The following XPO7 variants were observed in gnomAD, a reference collection of about 807,000 sequenced individuals.
The protein encoded by XPO7 is exportin-7.
A neutral mutation model predicts 144.3 loss-of-function variants in XPO7; 21 were observed. That is an observed-to-expected ratio of 0.15 (90% CI 0.10 to 0.21). The LOEUF (loss-of-function observed/expected upper bound fraction) is 0.21, where lower values mean the gene tolerates loss of function less well. Among genes scored for constraint, XPO7 ranks in the 10% least tolerant of loss-of-function variants. The pLI is 1.00. For synonymous variants in XPO7, 580 were observed against 499.6 expected (o/e 1.16, Z -2.15); for missense variants, 808 against 1,325.8 (o/e 0.61, Z 6.06).
At position 21,920,036 on chromosome 8, in the gene XPO7, G is replaced by A. The variant is rs539009557; in HGVS notation, c.18+248G>A. 7.9e-5 allele frequency among the ~76,000 whole-genome samples: 12 copies of A among 151,880 alleles called. No individual in the cohort carries two copies. In the South Asian group the frequency reaches 2.5e-3, roughly 32 times the overall value. ...CGCGGGGCTGCAGGGACAGGAACGGGCATCCCGGCGCGCGCAGCCCACAAC... is the reference window on the plus strand; with the variant it reads ...CGCGGGGCTGCAGGGACAGGAACGGACATCCCGGCGCGCGCAGCCCACAAC... On this transcript the variant is annotated intron_variant, in intron 1 of 27. Transcript: ENST00000252512.
rs759823657 is a variant in XPO7, at chr8:21,999,222, C to T, written c.2560C>T (p.Arg854Cys). 9.9e-6 allele frequency: 16 copies of T among 1,613,944 alleles called. No individual in the cohort carries two copies. The South Asian group carries it at 1.2e-4, about 12-fold the overall frequency. The change falls in exon 23 of 28, where the codon CGT becomes TGT. Residue 854 changes from arginine (R) to cysteine (C), a missense_variant. Transcript: ENST00000252512. ...GAGTTACGTCAATTTCGGAGTCTTTCGTCTCTATGGAGACGATGCCCTGGA... is the reference window on the plus strand; with the variant it reads ...GAGTTACGTCAATTTCGGAGTCTTTTGTCTCTATGGAGACGATGCCCTGGA... ...SGSYVNFGVF[R>C]LYGDDALDNA...
At chr8:21,939,885 T>C (rs1810938366) in intron 1 of XPO7, among the ~76,000 whole-genome samples, 1 of 152,264 alleles carries the variant, frequency 6.6e-6, no homozygotes, top group Admixed American at 6.5e-5. Context: ...TAGTAGTCTT[T>C]TAAATTTTAT....
At chr8:21,954,000 A>G (rs565495982) in intron 1 of XPO7, among the ~76,000 whole-genome samples, 28 of 152,338 alleles carry the variant, frequency 1.8e-4, no homozygotes, top group African/African-American at 6.3e-4. Context: ...TGAAATTTCT[A>G]TCCTGGAAAT....
rs530462772 is a variant in XPO7 at position 21,963,418 on chromosome 8, G to A, written c.19-3439G>A. Among the ~76,000 whole-genome samples the A allele has an allele frequency of 2.2e-3, 335 of 152,288 alleles. 2 individuals carry two copies. Among genetic ancestry groups the A allele is most frequent in the Non-Finnish European group, 3.7e-3 (251 of 68,022 alleles). On this transcript the variant is annotated intron_variant, in intron 1 of 27. Coordinates refer to ENST00000252512, the MANE Select transcript of XPO7 (RefSeq NM_015024.5). ...TGAGGCTAATTTAAAAGTATAGACC[G>A]GGCACGGTGGCTCACGCCTGTAATC...
At chr8:21,993,919 C>T (rs1812850835) in intron 19 of XPO7, among the ~76,000 whole-genome samples, 1 of 149,126 alleles carries the variant, frequency 6.7e-6, no homozygotes, top group Admixed American at 6.7e-5. Context: ...TGCCGTGTCT[C>T]TCTCTCTCTC....
chr8:21,987,385 T>A, intron 14 of XPO7, 109 bp downstream of exon 14: 1 of 1,456,514 alleles, frequency 6.9e-7, no homozygotes, highest in East Asian at 2.3e-5. Flanking sequence ...TTTCACGTAA[T>A]AGGACAGTCC....
chr8:21,942,736 C>A (rs866797099), intron 1 of XPO7, among the ~76,000 whole-genome samples: 2 of 152,198 alleles, frequency 1.3e-5, no homozygotes, highest in Non-Finnish European at 2.9e-5. Flanking sequence ...CTTACTCTTA[C>A]ATGAAAACCC....
chr8:21,956,903 A>T (rs912866796), intron 1 of XPO7, among the ~76,000 whole-genome samples: 2 of 152,048 alleles, frequency 1.3e-5, no homozygotes, highest in African/African-American at 4.8e-5. Context: ...TTCCATGTTA[A>T]AGGCTTTCTT....
rs941245795 is a variant in XPO7 at position 21,987,247 on chromosome 8, A to G, written c.1684A>G (p.Ile562Val). The change falls in exon 14 of 28, where the codon ATT becomes GTT. Residue 562 changes from isoleucine to valine, a missense_variant. By Grantham distance (29) the Ile-to-Val change is conservative. Coordinates refer to ENST00000252512, the MANE Select transcript of XPO7 (RefSeq NM_015024.5). ...SFFEQFRKIY[I>V]GDQVQKSSKL... ...TTTTGAACAGTTTCGTAAGATCTACATTGGGGACCAAGTGCAGAAATCCTC... is the reference window on the plus strand; with the variant it reads ...TTTTGAACAGTTTCGTAAGATCTACGTTGGGGACCAAGTGCAGAAATCCTC... The G allele has an allele frequency of 1.2e-6, 2 of 1,614,014 alleles. No individual in the cohort carries two copies. The highest frequency in any genetic ancestry group is 2.2e-5 in the South Asian group (2 of 91,076).
intron 1 of XPO7, among the ~76,000 whole-genome samples, chr8:21,952,658 A>G (rs991501010): frequency 3.9e-5 from 6 of 152,312 alleles, no homozygotes; most frequent in Admixed American, 3.3e-4. Context: ...TAAGTACAGT[A>G]TGGATTCTAG....
chr8:21,959,890 A>C (rs1389648418), intron 1 of XPO7, among the ~76,000 whole-genome samples: 1 of 152,208 alleles, frequency 6.6e-6, no homozygotes, highest in Non-Finnish European at 1.5e-5. Context: ...GTATCTAACG[A>C]TCCAGTATCA....
chr8:21,969,383 A>T, intron 2 of XPO7, 100 bp from the exon 3 acceptor site: 1 of 1,010,624 alleles, frequency 9.9e-7, no homozygotes, highest in Non-Finnish European at 1.5e-6. Flanking sequence ...GCCAAAACTG[A>T]TTGCCTTTTC....
At chr8:21,920,085 C>T (rs1447897522) in intron 1 of XPO7, among the ~76,000 whole-genome samples, 1 of 151,966 alleles carries the variant, frequency 6.6e-6, no homozygotes, top group South Asian at 2.1e-4. Flanking sequence ...TGTCTTCGTC[C>T]CCGGGGGAGG....
At chr8:21,990,285 T>C in intron 16 of XPO7, 59 bp from the exon 17 acceptor site, 2 of 1,561,232 alleles carry the variant, frequency 1.3e-6, no homozygotes, top group Middle Eastern at 1.7e-4. Context: ...AAAGTTTCCA[T>C]CTGCCTTAGA....
intron 1 of XPO7, among the ~76,000 whole-genome samples, chr8:21,955,543 A>G (rs1272061238): frequency 1.3e-5 from 2 of 152,144 alleles, no homozygotes; most frequent in East Asian, 3.9e-4. Flanking sequence ...TTCTGTGAAC[A>G]TGACTTGTCC....
chr8:21,990,094 C>A (rs1812719539), intron 16 of XPO7, among the ~76,000 whole-genome samples: 1 of 151,774 alleles, frequency 6.6e-6, no homozygotes, highest in Non-Finnish European at 1.5e-5. Flanking sequence ...CGTGATCTGC[C>A]CTCCTCGGCC....
At chr8:21,980,427 C>T (rs1180498941) in intron 9 of XPO7, among the ~76,000 whole-genome samples, 1 of 152,140 alleles carries the variant, frequency 6.6e-6, no homozygotes, top group Non-Finnish European at 1.5e-5. Flanking sequence ...AGAATCACTT[C>T]GCTATAAGGA....
rs143706852 is a variant in XPO7, at chr8:21,942,396, T to A, written c.18+22608T>A. 2.5e-3 allele frequency among the ~76,000 whole-genome samples: 377 copies of A among 152,352 alleles called. 1 individual carries two copies. The highest frequency in any genetic ancestry group is 8.8e-3 in the African/African-American group (364 of 41,586). On this transcript the variant is annotated intron_variant, in intron 1 of 27. Transcript: ENST00000252512. The stretch of plus-strand genomic sequence containing the variant: ...AACCATCTTAAACCCATTTTAGACA[T>A]TATTGTGAGAAGCTTTTTCAAGCCA...
chr8:21,980,364 C>T lies in XPO7; in HGVS notation c.957+161C>T, dbSNP rs944724042. On this transcript the variant is annotated intron_variant, in intron 9 of 27. Coordinates refer to ENST00000252512, the MANE Select transcript of XPO7 (RefSeq NM_015024.5). ...TGTAGGCCAATTCTGAGATTATTTG[C>T]CCAAAAGAGGAGCTTATATCCTCCC... is the stretch of plus-strand genomic sequence containing the variant. 5.3e-5 allele frequency among the ~76,000 whole-genome samples: 8 copies of T among 152,200 alleles called. 1 individual carries two copies. In the East Asian group the frequency reaches 1.5e-3, roughly 29 times the overall value.
Sources: allele counts gnomAD v4.1 joint callset (sites outside exome capture counted in the v4.1 genomes callset), GRCh38; gene constraint gnomAD v4.1.1; transcripts MANE v1.5; gene names NCBI Gene and HGNC (gene_info 2026-07-23, HGNC 2026-07-21).